Variants in LYST observed in about 807,000 individuals in gnomAD.
The protein encoded by LYST is lysosomal-trafficking regulator.
Under a neutral mutation model 413.6 loss-of-function variants are expected in LYST, and 192 were observed. That is an observed-to-expected ratio of 0.46 (90% CI 0.41 to 0.52). LYST has a LOEUF of 0.52. LYST is among the 20% of genes least tolerant of loss of function. The pLI is 0.00. For missense variants in LYST, 3,815 were observed against 4,499.9 expected (o/e 0.85, Z 4.35); for synonymous variants, 1,525 against 1,567.3 (o/e 0.97, Z 0.64).
chr1:235,839,104 C>T (rs180722169), intron 1 of LYST, among the ~76,000 whole-genome samples: 1 of 152,050 alleles, frequency 6.6e-6, no homozygotes, highest in African/African-American at 2.4e-5. Context: ...GGATTACAGG[C>T]GTGAGCCACT....
intron 3 of LYST, among the ~76,000 whole-genome samples, chr1:235,819,074 T>C (rs1166635708): frequency 3.3e-5 from 5 of 152,160 alleles, no homozygotes; most frequent in Non-Finnish European, 1.5e-5. Flanking sequence ...CTTGAAAGAA[T>C]GAGAATGAGG....
chr1:235,843,276 T>C (rs554687551), intron 1 of LYST, among the ~76,000 whole-genome samples: 4 of 152,242 alleles, frequency 2.6e-5, no homozygotes, highest in African/African-American at 7.2e-5. Context: ...TTTTAATAGA[T>C]ATTTATTAAT....
At chr1:235,813,339 G>C (rs1045060705) in intron 3 of LYST, among the ~76,000 whole-genome samples, 2 of 152,120 alleles carry the variant, frequency 1.3e-5, no homozygotes, top group Non-Finnish European at 2.9e-5. Context: ...CATGCACATT[G>C]CAAGAATTCC....
chr1:235,731,061 T>A lies in LYST; in HGVS notation c.8918A>T (p.Tyr2973Phe). 1 of 1,613,870 alleles carries A rather than the reference T, an allele frequency of 6.2e-7. No homozygotes were observed. The highest frequency in any genetic ancestry group is 1.1e-5 in the South Asian group (1 of 91,078). Residue 2973 changes from tyrosine to phenylalanine, a missense_variant, in exon 35 of 53, where the codon TAT becomes TTT. This residue lies in a region of LYST where 866 missense variants were observed against 1,156.0 expected (regional missense o/e 0.75). Transcript: ENST00000389793. ...TGATTTCTGTCTATCCCTAAGGAGATACTTATTTGGAATAGTTAAATAACA... is the reference window on the plus strand; with the variant it reads ...TGATTTCTGTCTATCCCTAAGGAGAAACTTATTTGGAATAGTTAAATAACA... ...QRCYLTIPNK[Y>F]LLRDRQKSED...
chr1:235,825,638 A>G (rs1265390264), intron 3 of LYST, among the ~76,000 whole-genome samples: 1 of 152,218 alleles, frequency 6.6e-6, no homozygotes, highest in African/African-American at 2.4e-5. Context: ...AACAGGCAGG[A>G]CCTCTACAAT....
Position 235,709,124 on chromosome 1 carries a change from A to G in LYST, c.10110T>C (p.Ala3370=), listed in dbSNP as rs886038227. The change falls in exon 44 of 53, where the codon GCT becomes GCC. Residue 3370 remains alanine, a synonymous_variant. Transcript: ENST00000389793. ...GAAAAACATTGATCGCTTGAACAGA[A>G]GCCTTCCCCTTTTGCTTATACCCAA... is the stretch of plus-strand genomic sequence containing the variant. The part of the protein sequence containing the change: ...LVFGYKQKGK[A]SVQAINVFHP... 4 of 1,614,042 alleles carry G rather than the reference A, an allele frequency of 2.5e-6. No individual in the cohort carries two copies. Among genetic ancestry groups the G allele is most frequent in the Non-Finnish European group, 3.4e-6 (4 of 1,180,020 alleles).
chr1:235,836,740 A>G (rs940832417), intron 1 of LYST, among the ~76,000 whole-genome samples: 5 of 152,190 alleles, frequency 3.3e-5, no homozygotes, highest in Non-Finnish European at 7.3e-5. Context: ...CCACCCAAAA[A>G]AGACTATAAG....
At chr1:235,724,732 G>C (rs1663695444) in intron 38 of LYST, among the ~76,000 whole-genome samples, 1 of 152,170 alleles carries the variant, frequency 6.6e-6, no homozygotes, top group African/African-American at 2.4e-5. Flanking sequence ...TGTCTCTATA[G>C]TTTTGCCTTT....
chr1:235,697,223 G>A lies in LYST; in HGVS notation c.10424C>T (p.Ser3475Phe). 1 of 1,614,048 alleles carries A rather than the reference G, an allele frequency of 6.2e-7. No homozygotes were observed. Among genetic ancestry groups the A allele is most frequent in the Non-Finnish European group, 8.5e-7 (1 of 1,179,974 alleles). The change falls in exon 46 of 53, where the codon TCC (serine) becomes TTC (phenylalanine). Residue 3475 changes from serine to phenylalanine, a missense_variant. Physicochemically the swap from Ser to Phe is radical, Grantham distance 155. Around this residue, in one of 4 missense-constraint regions of LYST, gnomAD observed 866 missense variants for 1,156.0 expected, o/e 0.75. Coordinates refer to ENST00000389793, the MANE Select transcript of LYST (RefSeq NM_000081.4). ...GACCACAGGTACTGGAGCACTGGGGGAACCCACGTATTCCCCCCATTTCAA... is the reference window on the plus strand; with the variant it reads ...GACCACAGGTACTGGAGCACTGGGGAAACCCACGTATTCCCCCCATTTCAA... Reference protein sequence around the residue: ...KGLKWGEYVGSPSAPVPVVCF... With the variant: ...KGLKWGEYVGFPSAPVPVVCF...
rs900097483 is a variant in LYST, at chr1:235,803,170, GA to G, written c.3556-107del. The G allele has an allele frequency of 1.1e-5, 10 of 907,396 alleles. No homozygotes were observed. In the South Asian group the frequency reaches 1.2e-4, roughly 11 times the overall value. The allele number at this position is 907,396 out of a possible 1,614,324, so 56.2% of individuals were successfully genotyped here. ...AGGACAGTTTCAATATTTTCTTGAA[GA>G]AAAAAACTTAGTAAACAATATGAAT... On this transcript the variant is annotated intron_variant, in intron 7 of 52. Transcript: ENST00000389793.
At chr1:235,857,653 G>C (rs377299437) in intron 1 of LYST, among the ~76,000 whole-genome samples, 304 of 151,398 alleles carry the variant, frequency 2.0e-3, no homozygotes, top group African/African-American at 7.0e-3. Flanking sequence ...CAAAAAAGAG[G>C]GGGGTGTGTC....
At chr1:235,825,480 AT>A (rs1217829475) in intron 3 of LYST, among the ~76,000 whole-genome samples, 1 of 152,234 alleles carries the variant, frequency 6.6e-6, no homozygotes, top group Non-Finnish European at 1.5e-5. Flanking sequence ...TAATGAATGA[AT>A]TTAGCAAAGG....
chr1:235,803,811 A>G (rs1672514920), intron 7 of LYST, among the ~76,000 whole-genome samples: 2 of 152,188 alleles, frequency 1.3e-5, no homozygotes, highest in Non-Finnish European at 2.9e-5. Flanking sequence ...AGTTATGGCA[A>G]ATAGTAACAT....
chr1:235,765,107 T>C (rs1668002404), intron 21 of LYST, among the ~76,000 whole-genome samples: 1 of 152,192 alleles, frequency 6.6e-6, no homozygotes, highest in Non-Finnish European at 1.5e-5. Context: ...CAGCTCCTTA[T>C]AACCTACCCT....
chr1:235,715,556 C>A (rs115007448), intron 41 of LYST, among the ~76,000 whole-genome samples, 199 bp from the exon 42 acceptor site: 2 of 151,986 alleles, frequency 1.3e-5, no homozygotes, highest in South Asian at 2.1e-4. Context: ...TCACTAAGAC[C>A]CAAACACTCA....
At chr1:235,763,723 T>A (rs1332477352) in intron 21 of LYST, among the ~76,000 whole-genome samples, 2 of 152,076 alleles carry the variant, frequency 1.3e-5, no homozygotes, top group African/African-American at 4.8e-5. Context: ...CCTCTCAAAG[T>A]GCTGGGATTA....
intron 31 of LYST, chr1:235,737,128 A>T (rs1379739780): frequency 1.3e-5 from 2 of 152,206 alleles, no homozygotes; most frequent in Non-Finnish European, 2.9e-5. Flanking sequence ...CTTTTATAAT[A>T]CAGTATTTTC....
At chr1:235,794,128 T>C (rs1671317613) in intron 10 of LYST, among the ~76,000 whole-genome samples, 1 of 152,174 alleles carries the variant, frequency 6.6e-6, no homozygotes, top group South Asian at 2.1e-4. Flanking sequence ...CTACCATGTC[T>C]GGCCAGCATG....
Position 235,662,681 on chromosome 1 carries a change from T to G in LYST, c.*259A>C. 1 of 491,644 alleles carries G rather than the reference T, an allele frequency of 2.0e-6. No homozygotes were observed. Among genetic ancestry groups the G allele is most frequent in the South Asian group, 2.1e-5 (1 of 47,356 alleles). The allele number at this position is 491,644 out of a possible 1,614,324, so 30.5% of individuals were successfully genotyped here. ...GGAAAAAATTTTAAGAATATCATTT[T>G]AATGTACCATGCGAGGCTTAAAACT... is the stretch of plus-strand genomic sequence containing the variant. On this transcript the variant is annotated 3_prime_UTR_variant, in exon 53 of 53. Coordinates refer to ENST00000389793, the MANE Select transcript of LYST (RefSeq NM_000081.4).
Sources: allele counts gnomAD v4.1 joint callset (sites outside exome capture counted in the v4.1 genomes callset), GRCh38; gene constraint gnomAD v4.1.1; regional missense constraint gnomAD v4.1.1; transcripts MANE v1.5; gene names NCBI Gene and HGNC (gene_info 2026-07-23, HGNC 2026-07-21).